The following HMGXB4 variants were observed in gnomAD, a reference collection of about 807,000 sequenced individuals.
HMGXB4 encodes HMG-box containing 4.
Under a neutral mutation model 63.9 loss-of-function variants are expected in HMGXB4, and 27 were observed. That is an observed-to-expected ratio of 0.42 (90% CI 0.31 to 0.58). HMGXB4 has a LOEUF of 0.58. Among genes scored for constraint, HMGXB4 ranks in the 20% least tolerant of loss-of-function variants. HMGXB4 has a pLI of 0.13. For synonymous variants in HMGXB4, 264 were observed against 265.3 expected (o/e 0.99, Z 0.05); for missense variants, 624 against 700.7 (o/e 0.89, Z 1.24).
intron 1 of HMGXB4, among the ~76,000 whole-genome samples, chr22:35,259,619 C>G (rs148408596): frequency 1.3e-5 from 2 of 152,236 alleles, no homozygotes; most frequent in East Asian, 3.9e-4. Flanking sequence ...TGGTATCTTT[C>G]CAAAACTAAA....
At chr22:35,284,549 G>A (rs994879098) in intron 6 of HMGXB4, among the ~76,000 whole-genome samples, 3 of 152,184 alleles carry the variant, frequency 2.0e-5, no homozygotes, top group African/African-American at 7.2e-5. Context: ...ACTTACATTT[G>A]CATACACTTG....
chr22:35,258,756 C>T (rs1361393764), intron 1 of HMGXB4, among the ~76,000 whole-genome samples: 2 of 152,226 alleles, frequency 1.3e-5, no homozygotes, highest in African/African-American at 4.8e-5. Context: ...TGTGCATCTT[C>T]CTTTACCTGC....
chr22:35,276,247 T>C (rs1021037774), intron 5 of HMGXB4, among the ~76,000 whole-genome samples: 1 of 152,202 alleles, frequency 6.6e-6, no homozygotes, highest in Non-Finnish European at 1.5e-5. Flanking sequence ...AGGCTCTACA[T>C]TGAAGGCTGA....
chr22:35,246,304 T>G, the HMGXB4 span, among the ~76,000 whole-genome samples: 1 of 152,020 alleles, frequency 6.6e-6, no homozygotes, highest in Non-Finnish European at 1.5e-5. Context: ...ACATGGAGTC[T>G]CGCTCTGTCG....
rs146356467 is a variant in HMGXB4 at position 35,284,232 on chromosome 22, A to C, written c.1297+189A>C. 3.2e-3 allele frequency among the ~76,000 whole-genome samples: 481 copies of C among 152,342 alleles called. 2 individuals carry two copies. The highest frequency in any genetic ancestry group is 0.011 in the African/African-American group (463 of 41,580). ...ATGAACTTTCTATACATATCTCTTA[A>C]ACGGATAAGGTGGGAAACTATGTAA... On this transcript the variant is annotated intron_variant, in intron 6 of 10. Transcript: ENST00000216106.
chr22:35,271,587 C>A (rs780255608), intron 5 of HMGXB4, among the ~76,000 whole-genome samples: 8 of 152,140 alleles, frequency 5.3e-5, no homozygotes, highest in Non-Finnish European at 8.8e-5. Flanking sequence ...ACAACTCCAT[C>A]TCTAAGTTGA....
intron 5 of HMGXB4, among the ~76,000 whole-genome samples, chr22:35,273,320 A>T (rs190039675): frequency 6.6e-6 from 1 of 152,346 alleles, no homozygotes; most frequent in East Asian, 1.9e-4. Flanking sequence ...ATGCCTTTCC[A>T]CAACTTTAAG....
chr22:35,266,665 C>G (rs1259638516), intron 5 of HMGXB4, among the ~76,000 whole-genome samples: 2 of 152,152 alleles, frequency 1.3e-5, no homozygotes, highest in Non-Finnish European at 2.9e-5. Context: ...AGAAAAGCGA[C>G]TAAGAACGAG....
chr22:35,264,851 A>C lies in HMGXB4; in HGVS notation c.463A>C (p.Ser155Arg). The change falls in exon 5 of 11, where the codon AGC becomes CGC. Residue 155 changes from serine to arginine, a missense_variant. Ser to Arg is a moderately radical substitution (Grantham distance 110). This residue lies in a region of HMGXB4 where 472 missense variants were observed against 470.6 expected (regional missense o/e 1.00). Coordinates refer to ENST00000216106, the MANE Select transcript of HMGXB4 (RefSeq NM_001003681.3). ...KEHHRKKVSG[S>R]SGELPLEDGG... ...GCACCACAGGAAGAAAGTCAGTGGAAGCAGTGGGGAACTACCCCTAGAGGA... is the reference window on the plus strand; with the variant it reads ...GCACCACAGGAAGAAAGTCAGTGGACGCAGTGGGGAACTACCCCTAGAGGA... 6.2e-7 allele frequency: 1 copy of C among 1,614,132 alleles called. No homozygotes were observed. The highest frequency in any genetic ancestry group is 8.5e-7 in the Non-Finnish European group (1 of 1,179,994).
At chr22:35,278,068 T>A (rs1480114250) in intron 5 of HMGXB4, among the ~76,000 whole-genome samples, 2 of 152,226 alleles carry the variant, frequency 1.3e-5, no homozygotes, top group Non-Finnish European at 2.9e-5. Context: ...AGTTTTGCCT[T>A]TTCCAGAATG....
chr22:35,253,144 A>AAAAAAAAAAAAAG (rs11282400), upstream of HMGXB4, among the ~76,000 whole-genome samples: 32 of 125,360 alleles, frequency 2.6e-4, 1 homozygote, highest in African/African-American at 7.1e-4. Flanking sequence ...AAAAAAAAAA[A>AAAAAAAAAAAAAG]AAAAAAGAAA....
At chr22:35,280,843 C>T (rs1386533161) in intron 5 of HMGXB4, among the ~76,000 whole-genome samples, 2 of 152,168 alleles carry the variant, frequency 1.3e-5, no homozygotes, top group African/African-American at 2.4e-5. Flanking sequence ...CTACCCAACT[C>T]TCTGGTTTAG....
At chr22:35,265,670 C>T (rs1037949183) in intron 5 of HMGXB4, 67 bp downstream of exon 5, 9 of 1,450,962 alleles carry the variant, frequency 6.2e-6, no homozygotes, top group Non-Finnish European at 8.2e-6. Context: ...AGTCAGTGGA[C>T]TTTTAAGTTA....
At chr22:35,270,807 T>A (rs1161942494) in intron 5 of HMGXB4, among the ~76,000 whole-genome samples, 1 of 152,258 alleles carries the variant, frequency 6.6e-6, no homozygotes, top group Non-Finnish European at 1.5e-5. Flanking sequence ...CCAAAAAATC[T>A]GAAGTAGTCA....
intron 8 of HMGXB4, 65 bp downstream of exon 8, chr22:35,287,517 ACTGGG>A: frequency 8.6e-7 from 1 of 1,166,130 alleles, no homozygotes; most frequent in Admixed American, 1.9e-5. Context: ...TTGCTAAGAA[ACTGGG>A]AAAAAAGCTT....
intron 9 of HMGXB4, among the ~76,000 whole-genome samples, chr22:35,289,229 C>T (rs551004884): frequency 6.6e-6 from 1 of 151,996 alleles, no homozygotes; most frequent in Non-Finnish European, 1.5e-5. Context: ...GAGACCAAGG[C>T]AGGAGGATCG....
upstream of HMGXB4, among the ~76,000 whole-genome samples, chr22:35,256,996 T>G (rs778710013): frequency 6.6e-6 from 1 of 152,242 alleles, no homozygotes; most frequent in Non-Finnish European, 1.5e-5. Context: ...GTTACAAAGA[T>G]AAGTTCTTCA....
intron 1 of HMGXB4, chr22:35,258,233 C>G (rs942103504): frequency 2.0e-4 from 30 of 152,306 alleles, no homozygotes; most frequent in African/African-American, 7.0e-4. Context: ...TTGGCCGTGC[C>G]TTCGTGGTGG....
At chr22:35,263,300 G>GGT in intron 3 of HMGXB4, 74 bp downstream of exon 3, 1 of 869,946 alleles carries the variant, frequency 1.1e-6, no homozygotes. Flanking sequence ...GTTTTTTTTT[G>GGT]TTTTTTTTTT....
Sources: gnomAD v4.1 joint callset for allele counts (sites outside exome capture counted in the v4.1 genomes callset) on GRCh38, gnomAD v4.1.1 for gene constraint, gnomAD v4.1.1 regional missense constraint, MANE v1.5 for transcripts, NCBI Gene and HGNC (gene_info 2026-07-23, HGNC 2026-07-21) for gene names.